The following EPHB6 variants were observed in gnomAD, a reference collection of about 807,000 sequenced individuals.
EPHB6 encodes the protein EPH receptor B6.
A neutral mutation model predicts 107.0 loss-of-function variants in EPHB6; 51 were observed. The ratio of observed to expected loss-of-function variants is 0.48; its 90% CI spans 0.38 to 0.60. EPHB6 has a LOEUF of 0.60. Among genes scored for constraint, EPHB6 ranks in the 20% least tolerant of loss-of-function variants. The pLI, the probability that EPHB6 is intolerant of heterozygous loss-of-function variation, is 0.00. For missense variants in EPHB6, 1,141 were observed against 1,355.5 expected, an observed-to-expected ratio of 0.84 and a Z score of 2.48; for synonymous variants, 553 against 549.0, an observed-to-expected ratio of 1.01 and a Z score of -0.10.
Position 142,869,690 on chromosome 7 carries a change from GGTT to G in EPHB6, c.2461-123_2461-121del. The G allele has an allele frequency of 9.1e-7, 1 of 1,104,190 alleles. No individual in the cohort carries two copies. Among genetic ancestry groups the G allele is most frequent in the Non-Finnish European group, 1.3e-6 (1 of 745,516 alleles). The allele number at this position is 1,104,190 out of a possible 1,614,324, so 68.4% of individuals were successfully genotyped here. A position where few individuals can be genotyped will look rare whatever the true frequency, so the allele number is the denominator to read the frequency against. Reference sequence around the variant, plus strand: ...GGAGATGATATCATCCACCTTAGAGGGTTGTTATGAGGATTAAATGAGATGCTT... The same window carrying G: ...GGAGATGATATCATCCACCTTAGAGGGTTATGAGGATTAAATGAGATGCTT... On this transcript the variant is annotated intron_variant, in intron 16 of 19. Transcript: ENST00000652003. This position sits in a 1 kb window ranked among gnomAD's most constrained non-coding sequence, Gnocchi z 4.5.
chr7:142,865,827 G>T, intron 8 of EPHB6, 133 bp from the exon 9 acceptor site: 4 of 1,134,750 alleles, frequency 3.5e-6, no homozygotes, highest in Non-Finnish European at 3.8e-6. Context: ...CTGCCTCTCT[G>T]GGCTACCCCC....
Position 142,864,531 on chromosome 7 carries a change from C to T in EPHB6, c.731C>T (p.Pro244Leu). 6.2e-7 allele frequency: 1 copy of T among 1,613,466 alleles called. No homozygotes were observed. The highest frequency in any genetic ancestry group is 1.3e-5 in the African/African-American group (1 of 75,038). The change falls in exon 7 of 20, where the codon CCA (proline) becomes CTA (leucine). Residue 244 changes from proline (P) to leucine (L), a missense_variant. Physicochemically the swap from Pro to Leu is moderately conservative, Grantham distance 98. Transcript: ENST00000652003. ...GTGCTCCGATCCTTTGCTTCCTTTC[C>T]AGAGACGCAGGCCAGTGGGGCTGGG... ...PAVLRSFASF[P>L]ETQASGAGGA...
At chr7:142,865,021 G>A (rs777394361) in intron 7 of EPHB6, among the ~76,000 whole-genome samples, 23 of 152,198 alleles carry the variant, frequency 1.5e-4, no homozygotes, top group Non-Finnish European at 2.4e-4. Flanking sequence ...GAGACCAAAA[G>A]GAGTTTAGCT....
At chr7:142,870,084 C>A in intron 17 of EPHB6, 118 bp downstream of exon 17, 1 of 1,585,014 alleles carries the variant, frequency 6.3e-7, no homozygotes, top group South Asian at 1.1e-5. Context: ...TGTTGGATTG[C>A]CATATCTTTG....
At chr7:142,863,809 T>C (rs1802973186) in intron 6 of EPHB6, 114 bp downstream of exon 6, 1 of 1,480,544 alleles carries the variant, frequency 6.8e-7, no homozygotes, top group African/African-American at 1.4e-5. Flanking sequence ...AAAGGATCCC[T>C]CCCTCTAGAG....
rs8177137 is a variant in EPHB6, at chr7:142,863,034, A to G, written c.-101-93A>G. 1,988 of 600,084 alleles carry G rather than the reference A, an allele frequency of 3.3e-3. 34 individuals are homozygous for G. The highest frequency in any genetic ancestry group is 0.033 in the African/African-American group (1,784 of 53,860). The allele number at this position is 600,084 out of a possible 1,614,324, so 37.2% of individuals were successfully genotyped here. The stretch of plus-strand genomic sequence containing the variant: ...GGCGATTGGAGAGCTGTAGGAGGAG[A>G]CACAGACACGGGGTCAGCTTTTGGA... On this transcript the variant is annotated intron_variant, in intron 4 of 19. Coordinates refer to ENST00000652003, the MANE Select transcript of EPHB6 (RefSeq NM_004445.6).
chr7:142,870,198 T>C lies in EPHB6; in HGVS notation c.2611-16T>C, dbSNP rs1445053791. On this transcript the variant is annotated splice_polypyrimidine_tract_variant and intron_variant, in intron 17 of 19. Coordinates refer to ENST00000652003, the MANE Select transcript of EPHB6 (RefSeq NM_004445.6). Reference sequence around the variant, plus strand: ...AACAAAACTTCCCATCGTCATAGTCTTCCTCTGACCCCCAGGTACTAAATG... The same window carrying C: ...AACAAAACTTCCCATCGTCATAGTCCTCCTCTGACCCCCAGGTACTAAATG... The C allele has an allele frequency of 6.2e-7, 1 of 1,614,020 alleles. No homozygotes were observed. Among genetic ancestry groups the C allele is most frequent in the Admixed American group, 1.7e-5 (1 of 60,018 alleles).
Position 142,868,657 on chromosome 7 carries a change from T to A in EPHB6, c.2204T>A (p.Leu735Gln), listed in dbSNP as rs2116472374. The A allele has an allele frequency of 2.5e-6, 4 of 1,613,920 alleles. No individual in the cohort carries two copies. Among genetic ancestry groups the A allele is most frequent in the Non-Finnish European group, 3.4e-6 (4 of 1,180,014 alleles). Residue 735 changes from leucine (L) to glutamine (Q), a missense_variant, in exon 15 of 20, where the codon CTG becomes CAG. Leu to Gln is a moderately radical substitution (Grantham distance 113). Transcript: ENST00000652003. This position sits in a 1 kb window ranked among gnomAD's most constrained non-coding sequence, Gnocchi z 4.2. ...TTCCAGCACCCCAACATCCTGCGGC[T>A]GGAGGGCGTGGTCACCAAGAGCCGA... ...GQFQHPNILRLEGVVTKSRPL... is the reference protein window; with the variant it reads ...GQFQHPNILRQEGVVTKSRPL...
At chr7:142,856,193 A>C (rs545342996) in intron 1 of EPHB6, among the ~76,000 whole-genome samples, 12 of 152,036 alleles carry the variant, frequency 7.9e-5, no homozygotes, top group Non-Finnish European at 1.6e-4. Context: ...AGGCTCTAGG[A>C]GGGGAGATGC....
chr7:142,867,736 C>A lies in EPHB6; in HGVS notation c.1865+14C>A, dbSNP rs2116460992. ...CGTCTTCCAGCGGTGAGTCCCCACC[C>A]CTGCCCAACTCTGCCCAGCACCATT... is the stretch of plus-strand genomic sequence containing the variant. On this transcript the variant is annotated intron_variant, in intron 12 of 19. Transcript: ENST00000652003. The surrounding 1 kb of genome is among the most constrained non-coding windows in gnomAD (Gnocchi z 5.3). 6.3e-7 allele frequency: 1 copy of A among 1,599,752 alleles called. No individual in the cohort carries two copies. Among genetic ancestry groups the A allele is most frequent in the South Asian group, 1.1e-5 (1 of 89,212 alleles).
rs2116421316 is a variant in EPHB6 at position 142,864,333 on chromosome 7, C to T, written c.533C>T (p.Ala178Val). 1.9e-6 allele frequency: 3 copies of T among 1,613,472 alleles called. No individual in the cohort carries two copies. Among genetic ancestry groups the T allele is most frequent in the Non-Finnish European group, 2.5e-6 (3 of 1,180,040 alleles). Reference sequence around the variant, plus strand: ...TCCTCCTCCTCCTCTTCTTCCTCTGCAGCGTGGGCTGTGGGACCCCACGGG... The same window carrying T: ...TCCTCCTCCTCCTCTTCTTCCTCTGTAGCGTGGGCTGTGGGACCCCACGGG... ...SSSSSSSSSS[A>V]AWAVGPHGAG... is the part of the protein sequence containing the mutation. Residue 178 changes from alanine to valine, a missense_variant, in exon 7 of 20, where the codon GCA (alanine) becomes GTA (valine). Coordinates refer to ENST00000652003, the MANE Select transcript of EPHB6 (RefSeq NM_004445.6).
chr7:142,865,810 C>A, intron 8 of EPHB6, 150 bp from the exon 9 acceptor site: 1 of 1,122,642 alleles, frequency 8.9e-7, no homozygotes, highest in Non-Finnish European at 1.3e-6. Context: ...TTCCCTGGGC[C>A]CACATCCTGC....
Position 142,866,730 on chromosome 7 carries a change from C to A in EPHB6, c.1587+125C>A, listed in dbSNP as rs1047093952. ...GTCCGCAACAGGGCTGGCAGGAGCTCACAGTCCCCACAGTAGGGGCCAGAG... is the reference window on the plus strand; with the variant it reads ...GTCCGCAACAGGGCTGGCAGGAGCTAACAGTCCCCACAGTAGGGGCCAGAG... On this transcript the variant is annotated intron_variant, in intron 10 of 19. Transcript: ENST00000652003. The surrounding 1 kb of genome is among the most constrained non-coding windows in gnomAD (Gnocchi z 5.2). 2 of 1,584,708 alleles carry A rather than the reference C, an allele frequency of 1.3e-6. No homozygotes were observed. The highest frequency in any genetic ancestry group is 3.4e-5 in the Admixed American group (2 of 59,584).
intron 1 of EPHB6, among the ~76,000 whole-genome samples, chr7:142,858,678 T>C (rs1304600549): frequency 3.3e-5 from 5 of 151,402 alleles, no homozygotes; most frequent in Non-Finnish European, 5.9e-5. Context: ...GATCTCCTGA[T>C]CTTGTGATCC....
Position 142,866,568 on chromosome 7 carries a change from G to GTCCAGTCCA in EPHB6, c.1550_1551insTCCAGTCCA (p.Gly517_Asn518insProValGln). The GTCCAGTCCA allele has an allele frequency of 6.2e-7, 1 of 1,614,150 alleles. No individual in the cohort carries two copies. The highest frequency in any genetic ancestry group is 8.5e-7 in the Non-Finnish European group (1 of 1,180,040). ...TGGCCGCAGCCCGACCAGACCAATG[G>GTCCAGTCCA]GAACATCCTGGACTATCAGCTCCGC... On this transcript the variant is annotated inframe_insertion, in exon 10 of 20. Coordinates refer to ENST00000652003, the MANE Select transcript of EPHB6 (RefSeq NM_004445.6). This position sits in a 1 kb window ranked among gnomAD's most constrained non-coding sequence, Gnocchi z 5.2.
In EPHB6 at chr7:142,867,832, C is replaced by A; in HGVS notation, c.1865+110C>A. 7.0e-7 allele frequency: 1 copy of A among 1,421,400 alleles called. No homozygotes were observed. The highest frequency in any genetic ancestry group is 9.7e-7 in the Non-Finnish European group (1 of 1,032,394). The allele number at this position is 1,421,400 out of a possible 1,614,324, so 88.0% of individuals were successfully genotyped here. ...GCAGAAACCTCACACTGGTGCTCCTCCCGTCAGCCAGCCCCTGCCCTGGGC... is the reference window on the plus strand; with the variant it reads ...GCAGAAACCTCACACTGGTGCTCCTACCGTCAGCCAGCCCCTGCCCTGGGC... On this transcript the variant is annotated intron_variant, in intron 12 of 19. Coordinates refer to ENST00000652003, the MANE Select transcript of EPHB6 (RefSeq NM_004445.6). This position sits in a 1 kb window ranked among gnomAD's most constrained non-coding sequence, Gnocchi z 5.3.
In EPHB6 at chr7:142,865,621, C is replaced by T. The variant is rs754142259; in HGVS notation, c.1096C>T (p.Pro366Ser). The change falls in exon 8 of 20, where the codon CCC (proline) becomes TCC (serine). Residue 366 changes from proline to serine, a missense_variant. Physicochemically the swap from Pro to Ser is moderately conservative, Grantham distance 74. This residue lies in a region of EPHB6 where 304 missense variants were observed against 295.7 expected (regional missense o/e 1.03). Coordinates refer to ENST00000652003, the MANE Select transcript of EPHB6 (RefSeq NM_004445.6). ...GGCCAGTTCCGACCCACCAGAGGCC[C>T]CCTGCACTGGTGAGTTCCTCACCCA... ...YRASSDPPEA[P>S]CTGPPSAPQE... 3 of 1,613,300 alleles carry T rather than the reference C, an allele frequency of 1.9e-6. No individual in the cohort carries two copies. The highest frequency in any genetic ancestry group is 1.1e-5 in the South Asian group (1 of 91,028).
intron 1 of EPHB6, among the ~76,000 whole-genome samples, chr7:142,857,225 C>A (rs527456800): frequency 7.6e-4 from 115 of 152,300 alleles, no homozygotes; most frequent in Admixed American, 9.2e-4. Flanking sequence ...GGGACATTCT[C>A]AGGGGCTGGA....
intron 1 of EPHB6, among the ~76,000 whole-genome samples, chr7:142,859,410 C>T (rs1802749483): frequency 6.6e-6 from 1 of 152,182 alleles, no homozygotes; most frequent in Admixed American, 6.5e-5. Flanking sequence ...TATGTTTCTG[C>T]CTTTGAAATT....
Sources: allele counts gnomAD v4.1 joint callset (sites outside exome capture counted in the v4.1 genomes callset), GRCh38; gene constraint gnomAD v4.1.1; regional missense constraint gnomAD v4.1.1; non-coding constraint Gnocchi (gnomAD v3.1); transcripts MANE v1.5; gene names NCBI Gene and HGNC (gene_info 2026-07-23, HGNC 2026-07-21).